Variants in IRF1 observed in about 807,000 individuals in gnomAD.
IRF1 encodes interferon regulatory factor-1.
In IRF1, 13 loss-of-function variants were observed where a neutral mutation model predicts 43.7. The observed-to-expected ratio is 0.30, with a 90% CI of 0.19 to 0.47. IRF1 has a LOEUF of 0.47. IRF1 is among the 20% of genes least tolerant of loss of function. IRF1 has a pLI of 0.99. For synonymous variants in IRF1, 138 were observed against 146.8 expected, an observed-to-expected ratio of 0.94 and a Z score of 0.43; for missense variants, 236 against 408.9, an observed-to-expected ratio of 0.58 and a Z score of 3.65.
At chr5:132,486,171 T>C in intron 7 of IRF1, 80 bp downstream of exon 7, 2 of 1,566,496 alleles carry the variant, frequency 1.3e-6, no homozygotes, top group Non-Finnish European at 1.7e-6. Flanking sequence ...GGTGGAGTTC[T>C]GATCATCTTT....
In IRF1 at chr5:132,483,881, C is replaced by G; in HGVS notation, c.*70G>C. 1 of 1,590,182 alleles carries G rather than the reference C, an allele frequency of 6.3e-7. No homozygotes were observed. Among genetic ancestry groups the G allele is most frequent in the Non-Finnish European group, 8.6e-7 (1 of 1,165,014 alleles). The stretch of plus-strand genomic sequence containing the variant: ...TGAGGGGCCCACAGAAGTCCAGCTT[C>G]TCTGCACCATATCCACCATGATGCC... On this transcript the variant is annotated 3_prime_UTR_variant, in exon 10 of 10. Transcript: ENST00000245414.
Position 132,483,196 on chromosome 5 carries a change from G to A in IRF1, c.*755C>T, listed in dbSNP as rs1305647940. 6.5e-6 allele frequency: 1 copy of A among 152,708 alleles called. No homozygotes were observed. The highest frequency in any genetic ancestry group is 1.5e-5 in the Non-Finnish European group (1 of 68,032). 9.5% of individuals were successfully genotyped at this position (152,708 alleles called of 1,614,324 possible). On this transcript the variant is annotated 3_prime_UTR_variant, in exon 10 of 10. Coordinates refer to ENST00000245414, the MANE Select transcript of IRF1 (RefSeq NM_002198.3). ...CATTTCCAATTTTAAGTCATACCAA[G>A]GCGCTCACACTTCCCTCCCTGGGCC...
intron 7 of IRF1, 166 bp from the exon 8 acceptor site, chr5:132,485,882 C>CCA: frequency 1.6e-6 from 1 of 637,166 alleles, no homozygotes; most frequent in East Asian, 2.8e-5. Flanking sequence ...CATAGAGATT[C>CCA]CAGAACAGGA....
In IRF1 at chr5:132,484,391, T is replaced by G. The variant is rs1754464402; in HGVS notation, c.824A>C (p.Lys275Thr). 1 of 1,614,152 alleles carries G rather than the reference T, an allele frequency of 6.2e-7. No individual in the cohort carries two copies. Among genetic ancestry groups the G allele is most frequent in the African/African-American group, 1.3e-5 (1 of 75,048 alleles). The change falls in exon 9 of 10, where the codon AAG becomes ACG. Residue 275 changes from lysine (K) to threonine (T), a missense_variant. Lys to Thr is a moderately conservative substitution (Grantham distance 78). Around this residue, in one of 2 missense-constraint regions of IRF1, gnomAD observed 170 missense variants for 251.8 expected, o/e 0.68. Coordinates refer to ENST00000245414, the MANE Select transcript of IRF1 (RefSeq NM_002198.3). Reference sequence around the variant, plus strand: ...TGGGCTGTCAATTTCTGGCTCCTCCTTACAGCTAAAGTCTCCATAGACAGA... The same window carrying G: ...TGGGCTGTCAATTTCTGGCTCCTCCGTACAGCTAAAGTCTCCATAGACAGA... ...PTSVYGDFSC[K>T]EEPEIDSPGG...
intron 7 of IRF1, 181 bp downstream of exon 7, chr5:132,486,070 A>T: frequency 1.3e-6 from 1 of 795,632 alleles, no homozygotes; most frequent in Non-Finnish European, 2.1e-6. Flanking sequence ...ACTGCAGCCC[A>T]CTCTGAACTG....
chr5:132,485,836 CACACACACACACA>C, intron 7 of IRF1, 120 bp from the exon 8 acceptor site: 1 of 676,824 alleles, frequency 1.5e-6, no homozygotes, highest in Non-Finnish European at 2.6e-6. Context: ...CTGACACACA[CACACACACACACA>C]CCCTCCCGGT....
Position 132,489,498 on chromosome 5 carries a change from C to CA in IRF1, c.-5-16dup, listed in dbSNP as rs554667658. On this transcript the variant is annotated splice_polypyrimidine_tract_variant and intron_variant, in intron 1 of 9. Coordinates refer to ENST00000245414, the MANE Select transcript of IRF1 (RefSeq NM_002198.3). ...GGGCATGTTGGCTGTAAAGAGAACA[C>CA]AGAGGCTCCAGTCTGGAATCTGTTG... 4.1e-4 allele frequency: 655 copies of CA among 1,603,990 alleles called. 9 individuals are homozygous for CA. In the South Asian group the frequency reaches 6.7e-3, roughly 16 times the overall value.
chr5:132,482,663 GTTTT>G lies in IRF1; in HGVS notation c.*1284_*1287del, dbSNP rs55959557. ...GCCACCATGCCCGGCCAAATGAAAG[GTTTT>G]TTTTTTTTTTTTTTTTTTTGGTGCC... On this transcript the variant is annotated 3_prime_UTR_variant, in exon 10 of 10. Transcript: ENST00000245414. 13 of 65,918 alleles carry G rather than the reference GTTTT, an allele frequency of 2.0e-4. No individual in the cohort carries two copies. The highest frequency in any genetic ancestry group is 6.3e-4 in the South Asian group (1 of 1,592). The allele number at this position is 65,918 out of a possible 1,614,324, so 4.1% of individuals were successfully genotyped here.
At position 132,486,393 on chromosome 5, in the gene IRF1, A is replaced by G; in HGVS notation, c.545-20T>C. 6.2e-7 allele frequency: 1 copy of G among 1,610,672 alleles called. No homozygotes were observed. The highest frequency in any genetic ancestry group is 1.7e-5 in the Admixed American group (1 of 60,032). On this transcript the variant is annotated intron_variant, in intron 6 of 9. Coordinates refer to ENST00000245414, the MANE Select transcript of IRF1 (RefSeq NM_002198.3). Reference sequence around the variant, plus strand: ...ACAGTGCTGGGGAACAGCAGAAGCCACAGGTCAAGGTTGTGTGCTTTCTTA... The same window carrying G: ...ACAGTGCTGGGGAACAGCAGAAGCCGCAGGTCAAGGTTGTGTGCTTTCTTA...
At chr5:132,485,181 G>C (rs992616769) in intron 8 of IRF1, 1 of 158,210 alleles carries the variant, frequency 6.3e-6, no homozygotes, top group Non-Finnish European at 1.4e-5. Context: ...CAAAGTGCTG[G>C]GATTACAGGC....
At position 132,483,121 on chromosome 5, in the gene IRF1, A is replaced by G. The variant is rs767466378; in HGVS notation, c.*830T>C. 26 of 122,844 alleles carry G rather than the reference A, an allele frequency of 2.1e-4. No individual in the cohort carries two copies. The highest frequency in any genetic ancestry group is 1.5e-3 in the Admixed American group (19 of 12,360). The allele number at this position is 122,844 out of a possible 1,614,324, so 7.6% of individuals were successfully genotyped here. A position where few individuals can be genotyped will look rare whatever the true frequency, so the allele number is the denominator to read the frequency against. On this transcript the variant is annotated 3_prime_UTR_variant, in exon 10 of 10. Coordinates refer to ENST00000245414, the MANE Select transcript of IRF1 (RefSeq NM_002198.3). ...ACTTTTTATAAAAAGACAAATGTAC[A>G]TATTTACACACGTCCTTATGTGTTC... is the stretch of plus-strand genomic sequence containing the variant.
At chr5:132,485,193 T>C (rs1220046274) in intron 8 of IRF1, 2 of 160,910 alleles carry the variant, frequency 1.2e-5, no homozygotes, top group African/African-American at 4.8e-5. Flanking sequence ...ATTACAGGCA[T>C]GAGCCACTGC....
In IRF1 at chr5:132,483,151, A is replaced by G. The variant is rs543111730; in HGVS notation, c.*800T>C. ...TACACACGTCCTTATGTGTTCACAC[A>G]TGACTTAATGGTTAGATGACATTTC... On this transcript the variant is annotated 3_prime_UTR_variant, in exon 10 of 10. Coordinates refer to ENST00000245414, the MANE Select transcript of IRF1 (RefSeq NM_002198.3). 1.0e-4 allele frequency: 16 copies of G among 152,810 alleles called. No homozygotes were observed. Among genetic ancestry groups the G allele is most frequent in the African/African-American group, 3.8e-4 (16 of 41,560 alleles). 9.5% of individuals were successfully genotyped at this position (152,810 alleles called of 1,614,324 possible). A position where few individuals can be genotyped will look rare whatever the true frequency, so the allele number is the denominator to read the frequency against.
Position 132,484,516 on chromosome 5 carries a change from G to A in IRF1, c.718-19C>T, listed in dbSNP as rs773299816. On this transcript the variant is annotated intron_variant, in intron 8 of 9. Transcript: ENST00000245414. Reference sequence around the variant, plus strand: ...CCAAGAGCTGGGGACAGAAGAGCAAGAGGCTATCAACTCCCTTCCAGTGCA... The same window carrying A: ...CCAAGAGCTGGGGACAGAAGAGCAAAAGGCTATCAACTCCCTTCCAGTGCA... 4 of 1,613,924 alleles carry A rather than the reference G, an allele frequency of 2.5e-6. No individual in the cohort carries two copies. In the South Asian group the frequency reaches 3.3e-5, roughly 13 times the overall value.
chr5:132,486,085 C>T (rs914114443), intron 7 of IRF1, 166 bp downstream of exon 7: 2 of 908,518 alleles, frequency 2.2e-6, no homozygotes, highest in East Asian at 2.4e-5. Flanking sequence ...GAACTGCCTT[C>T]CTAGTGTCCC....
rs771235039 is a variant in IRF1 at position 132,486,382 on chromosome 5, C to T, written c.545-9G>A. 3 of 1,610,756 alleles carry T rather than the reference C, an allele frequency of 1.9e-6. No individual in the cohort carries two copies. The highest frequency in any genetic ancestry group is 2.7e-5 in the African/African-American group (2 of 74,934). On this transcript the variant is annotated splice_polypyrimidine_tract_variant and intron_variant, in intron 6 of 9. Transcript: ENST00000245414. ...AGCACATGGCGACAGTGCTGGGGAA[C>T]AGCAGAAGCCACAGGTCAAGGTTGT...
intron 6 of IRF1, 49 bp downstream of exon 6, chr5:132,486,508 G>A (rs774437969): frequency 6.2e-7 from 1 of 1,613,296 alleles, no homozygotes; most frequent in Admixed American, 1.7e-5. Flanking sequence ...AAGAGAAAGA[G>A]TCATCCCACT....
chr5:132,485,741 T>C, intron 7 of IRF1, 25 bp from the exon 8 acceptor site: 2 of 1,604,546 alleles, frequency 1.2e-6, no homozygotes, highest in Non-Finnish European at 1.7e-6. Context: ...AGCAGAGAGG[T>C]TGGCTGGCAG....
chr5:132,485,948 TACCCTACTTCCTTCCTC>T, intron 7 of IRF1: 1 of 569,056 alleles, frequency 1.8e-6, no homozygotes, highest in Non-Finnish European at 3.1e-6. Flanking sequence ...TTCCCACCCC[TACCCTACTTCCTTCCTC>T]ACCCTCAGAT....
Sources: allele counts gnomAD v4.1 joint callset, GRCh38; gene constraint gnomAD v4.1.1; regional missense constraint gnomAD v4.1.1; transcripts MANE v1.5; gene names NCBI Gene and HGNC (gene_info 2026-07-23, HGNC 2026-07-21).